Variants in NRXN3 observed in about 807,000 individuals in gnomAD.
NRXN3 encodes neurexin 3, also known as neurexin III.
Under a neutral mutation model 137.6 loss-of-function variants are expected in NRXN3, and 32 were observed. The observed-to-expected ratio is 0.23, with a 90% CI of 0.18 to 0.31. NRXN3 has a LOEUF of 0.31. NRXN3 is among the 10% of genes least tolerant of loss of function. The pLI is 1.00. For missense variants in NRXN3, 1,574 were observed against 2,062.5 expected (o/e 0.76, Z 4.59); for synonymous variants, 798 against 784.5 (o/e 1.02, Z -0.29).
intron 16 of NRXN3, among the ~76,000 whole-genome samples, chr14:79,474,826 G>A (rs1271081008): frequency 6.6e-6 from 1 of 152,004 alleles, no homozygotes; most frequent in African/African-American, 2.4e-5. Context: ...AAGGAAGAGA[G>A]GGAAAGAGGA....
At chr14:78,657,002 G>A (rs10141635) in intron 6 of NRXN3, among the ~76,000 whole-genome samples, 2 of 123,970 alleles carry the variant, frequency 1.6e-5, no homozygotes, top group Non-Finnish European at 3.1e-5. Context: ...AGCCGAGATC[G>A]CACCACTGCA....
At chr14:79,561,036 C>T (rs942732245) in intron 16 of NRXN3, among the ~76,000 whole-genome samples, 2 of 152,150 alleles carry the variant, frequency 1.3e-5, no homozygotes, top group Non-Finnish European at 2.9e-5. Flanking sequence ...CTTTATTTTA[C>T]TGGAAGTCTT....
At chr14:79,280,617 G>A (rs2081124854) in intron 15 of NRXN3, 4 of 1,335,576 alleles carry the variant, frequency 3.0e-6, no homozygotes, top group Non-Finnish European at 3.1e-6. Context: ...AGTGTCAAAG[G>A]TGGGAAGGGA....
chr14:78,871,279 G>A (rs901758516), intron 10 of NRXN3, among the ~76,000 whole-genome samples: 2 of 151,742 alleles, frequency 1.3e-5, no homozygotes, highest in East Asian at 1.9e-4. Flanking sequence ...ACGTCTTATC[G>A]TAGTTTTGAT....
intron 15 of NRXN3, among the ~76,000 whole-genome samples, chr14:79,243,303 G>A (rs1481831093): frequency 6.6e-6 from 1 of 152,174 alleles, no homozygotes; most frequent in Non-Finnish European, 1.5e-5. Context: ...ACATAGGACA[G>A]CATCCAAATA....
chr14:78,676,462 G>A (rs2098007953), intron 6 of NRXN3, among the ~76,000 whole-genome samples: 1 of 152,102 alleles, frequency 6.6e-6, no homozygotes, highest in Non-Finnish European at 1.5e-5. Flanking sequence ...CCAGAGCAAT[G>A]CCCTAATGCT....
At chr14:78,450,646 T>C (rs368718194) in intron 4 of NRXN3, among the ~76,000 whole-genome samples, 1 of 152,142 alleles carries the variant, frequency 6.6e-6, no homozygotes, top group African/African-American at 2.4e-5. Flanking sequence ...CATCAGAACT[T>C]CACCCTCTCT....
At chr14:79,078,112 C>T (rs1380198624) in intron 15 of NRXN3, among the ~76,000 whole-genome samples, 4 of 151,846 alleles carry the variant, frequency 2.6e-5, no homozygotes, top group African/African-American at 9.7e-5. Flanking sequence ...TTTTGTTGTT[C>T]AGAATGACAC....
rs150858322 is a variant in NRXN3, at chr14:78,334,552, C to G, written c.757+36692C>G. Among the ~76,000 whole-genome samples the G allele has an allele frequency of 2.8e-3, 424 of 152,246 alleles. 1 individual carries two copies. Among genetic ancestry groups the G allele is most frequent in the Admixed American group, 6.7e-3 (103 of 15,288 alleles). On this transcript the variant is annotated intron_variant, in intron 4 of 20. Transcript: ENST00000335750. ...AGGATGAACACGTCAGAATCTCTGT[C>G]TTTGATCTCGTCTGAAGTTGTGTGT... is the stretch of plus-strand genomic sequence containing the variant.
chr14:78,816,797 C>A (rs192528634), intron 10 of NRXN3, among the ~76,000 whole-genome samples: 1 of 152,156 alleles, frequency 6.6e-6, no homozygotes, highest in Non-Finnish European at 1.5e-5. Context: ...TGCTTCTCCT[C>A]ACTCTTGTAA....
At chr14:79,495,852 T>C (rs2096760779) in intron 16 of NRXN3, among the ~76,000 whole-genome samples, 1 of 151,858 alleles carries the variant, frequency 6.6e-6, no homozygotes, top group African/African-American at 2.4e-5. Flanking sequence ...TAGATTAAAT[T>C]AGCATCTTGA....
At chr14:78,952,531 G>A (rs745658067) in intron 10 of NRXN3, among the ~76,000 whole-genome samples, 1 of 152,162 alleles carries the variant, frequency 6.6e-6, no homozygotes, top group Non-Finnish European at 1.5e-5. Context: ...GCTTGTCACA[G>A]CTCAGCTAGC....
intron 20 of NRXN3, among the ~76,000 whole-genome samples, chr14:79,839,091 G>A (rs2099350217): frequency 6.6e-6 from 1 of 152,042 alleles, no homozygotes; most frequent in South Asian, 2.1e-4. Context: ...GAAGTAGACA[G>A]GTTGTTTCAA....
At chr14:79,593,082 T>C (rs1246615772) in intron 16 of NRXN3, among the ~76,000 whole-genome samples, 3 of 152,126 alleles carry the variant, frequency 2.0e-5, no homozygotes, top group African/African-American at 7.2e-5. Flanking sequence ...GTTTATGCAA[T>C]GAGATTTATT....
At chr14:79,174,107 T>A (rs749759734) in intron 15 of NRXN3, among the ~76,000 whole-genome samples, 2 of 152,152 alleles carry the variant, frequency 1.3e-5, no homozygotes, top group African/African-American at 4.8e-5. Flanking sequence ...TATTTTACTA[T>A]GGGGAGAAGG....
chr14:78,442,282 G>GAA (rs34451142), intron 4 of NRXN3, among the ~76,000 whole-genome samples: 4,914 of 142,850 alleles, frequency 0.034, 220 homozygotes, highest in African/African-American at 0.11. Context: ...AGAAAAAAAG[G>GAA]AAAAAAAAAA....
chr14:79,215,985 T>G (rs1037092768), intron 15 of NRXN3, among the ~76,000 whole-genome samples: 1 of 152,158 alleles, frequency 6.6e-6, no homozygotes, highest in Non-Finnish European at 1.5e-5. Context: ...GATAAATATT[T>G]TATGATGTCA....
chr14:78,266,775 C>T (rs539394134), intron 2 of NRXN3, among the ~76,000 whole-genome samples: 2 of 152,070 alleles, frequency 1.3e-5, no homozygotes, highest in Non-Finnish European at 2.9e-5. Context: ...CTTTACAACA[C>T]CTCCTTACTT....
intron 16 of NRXN3, among the ~76,000 whole-genome samples, chr14:79,556,501 T>C (rs1002287818): frequency 6.6e-6 from 1 of 152,142 alleles, no homozygotes; most frequent in Non-Finnish European, 1.5e-5. Context: ...GAGATTCCTC[T>C]TTTTCCCACT....
Sources: allele counts gnomAD v4.1 joint callset (sites outside exome capture counted in the v4.1 genomes callset), GRCh38; gene constraint gnomAD v4.1.1; transcripts MANE v1.5; gene names NCBI Gene and HGNC (gene_info 2026-07-23, HGNC 2026-07-21).